The following CNTN5 variants were observed in gnomAD, a reference collection of about 807,000 sequenced individuals.
CNTN5 encodes the protein contactin-5.
In CNTN5, 77 loss-of-function variants were observed where a neutral mutation model predicts 129.1. That is an observed-to-expected ratio of 0.60 (90% CI 0.50 to 0.72). The LOEUF (loss-of-function observed/expected upper bound fraction) is 0.72. Among genes scored for constraint, CNTN5 ranks in the 30% least tolerant of loss-of-function variants. CNTN5 has a pLI of 0.00. For missense variants in CNTN5, 1,478 were observed against 1,328.8 expected (o/e 1.11, Z -1.75); for synonymous variants, 509 against 465.6 (o/e 1.09, Z -1.20).
chr11:100,291,658 G>A (rs1446329414), intron 18 of CNTN5, among the ~76,000 whole-genome samples: 3 of 151,422 alleles, frequency 2.0e-5, no homozygotes, highest in African/African-American at 4.8e-5. Context: ...GCTAGATGAC[G>A]AGTTAGTGGG....
In CNTN5 at chr11:100,253,729, G is replaced by A. The variant is rs115913924; in HGVS notation, c.2006-2031G>A. 8.2e-3 allele frequency among the ~76,000 whole-genome samples: 1,241 copies of A among 152,072 alleles called. 12 individuals are homozygous for A. Among genetic ancestry groups the A allele is most frequent in the African/African-American group, 0.028 (1,162 of 41,462 alleles). The stretch of plus-strand genomic sequence containing the variant: ...TATTTTCTTTACCTTATCCTTAGTC[G>A]CTATTTTAGTGGCTTCAACATTGAT... On this transcript the variant is annotated intron_variant, in intron 16 of 24. Transcript: ENST00000524871.
intron 1 of CNTN5, among the ~76,000 whole-genome samples, chr11:99,089,971 A>G (rs941144419): frequency 6.6e-6 from 1 of 152,184 alleles, no homozygotes; most frequent in African/African-American, 2.4e-5. Flanking sequence ...GACATTTACT[A>G]TGGTGAATCT....
chr11:99,589,285 A>G (rs1427806182), intron 3 of CNTN5, among the ~76,000 whole-genome samples: 1 of 152,264 alleles, frequency 6.6e-6, no homozygotes, highest in Non-Finnish European at 1.5e-5. Context: ...GGAAATCACC[A>G]TCAATAACAT....
At chr11:99,073,278 T>C (rs1017713282) in intron 1 of CNTN5, among the ~76,000 whole-genome samples, 10 of 152,086 alleles carry the variant, frequency 6.6e-5, no homozygotes, top group Non-Finnish European at 1.3e-4. Context: ...TATACTTAGC[T>C]TTCGTAGAAA....
intron 1 of CNTN5, among the ~76,000 whole-genome samples, chr11:99,180,770 G>A (rs570409166): frequency 3.9e-5 from 6 of 152,236 alleles, no homozygotes; most frequent in African/African-American, 1.2e-4. Flanking sequence ...TTACAGATAC[G>A]GGGTAAGCAC....
At chr11:99,819,303 C>T (rs1463786547) in intron 3 of CNTN5, among the ~76,000 whole-genome samples, 25 of 17,518 alleles carry the variant, frequency 1.4e-3, no homozygotes, top group Non-Finnish European at 2.4e-3. Context: ...TCCTCCCCTT[C>T]CCTCCCCTCT....
At chr11:99,038,143 A>G (rs941238755) in intron 1 of CNTN5, among the ~76,000 whole-genome samples, 1 of 152,194 alleles carries the variant, frequency 6.6e-6, no homozygotes, top group Non-Finnish European at 1.5e-5. Context: ...CTCTCAGTTA[A>G]GTTGTTATAG....
Position 100,350,739 on chromosome 11 carries a change from T to C in CNTN5, c.3068T>C (p.Val1023Ala). The C allele has an allele frequency of 1.2e-6, 2 of 1,608,676 alleles. No individual in the cohort carries two copies. The change falls in exon 24 of 25, where the codon GTT becomes GCT. Residue 1023 changes from valine (V) to alanine (A), a missense_variant. Coordinates refer to ENST00000524871, the MANE Select transcript of CNTN5 (RefSeq NM_014361.4). The part of the protein sequence containing the change: ...YRQEGHSNSQ[V>A]IETQKLQAVV... ...CAAGAGGGTCACAGCAACAGCCAAG[T>C]TATTGAAACACAGAAACTTCAAGCA...
At chr11:100,234,722 C>G (rs1949571373) in intron 16 of CNTN5, among the ~76,000 whole-genome samples, 1 of 145,656 alleles carries the variant, frequency 6.9e-6, no homozygotes, top group Admixed American at 7.2e-5. Context: ...TTGACGGGTG[C>G]AGCAAACCAC....
chr11:99,423,895 T>C (rs1344210309), intron 2 of CNTN5, among the ~76,000 whole-genome samples: 1 of 152,166 alleles, frequency 6.6e-6, no homozygotes, highest in African/African-American at 2.4e-5. Flanking sequence ...TCAAGTATTA[T>C]AAGGCCTTGT....
chr11:100,052,546 TGA>T (rs906906467), intron 9 of CNTN5, among the ~76,000 whole-genome samples: 6 of 151,742 alleles, frequency 4.0e-5, no homozygotes, highest in African/African-American at 1.2e-4. Context: ...ATAACATTTA[TGA>T]GAGAAATAAA....
chr11:100,082,591 C>G (rs537730161), intron 13 of CNTN5, among the ~76,000 whole-genome samples: 4 of 152,220 alleles, frequency 2.6e-5, no homozygotes, highest in Admixed American at 2.6e-4. Context: ...TCTGCCCAGC[C>G]CACTGTGGGC....
At chr11:99,475,012 G>A (rs896599935) in intron 2 of CNTN5, among the ~76,000 whole-genome samples, 2 of 151,798 alleles carry the variant, frequency 1.3e-5, no homozygotes, top group Non-Finnish European at 2.9e-5. Context: ...ACTAGACCAT[G>A]TAAGATCCAC....
chr11:99,382,844 A>ATTTTTTTTTTTTTTTTTT lies in CNTN5; in HGVS notation c.-71+57360_-71+57361insTTTTTTTTTTTTTTTTTT, dbSNP rs774797660. On this transcript the variant is annotated intron_variant, in intron 2 of 24. Coordinates refer to ENST00000524871, the MANE Select transcript of CNTN5 (RefSeq NM_014361.4). ...CACATCTCACTAGTGTCTCTAAATA[A>ATTTTTTTTTTTTTTTTTT]CTTTTTTTTTTTTTTTTTTTTTTTT... 3.7e-4 allele frequency among the ~76,000 whole-genome samples: 26 copies of ATTTTTTTTTTTTTTTTTT among 69,382 alleles called. 1 individual carries two copies. The highest frequency in any genetic ancestry group is 1.6e-3 in the African/African-American group (22 of 13,962). 45.5% of individuals were successfully genotyped at this position (69,382 alleles called of 152,430 possible).
chr11:99,149,572 C>A lies in CNTN5; in HGVS notation c.-210+128302C>A, dbSNP rs142867900. On this transcript the variant is annotated intron_variant, in intron 1 of 24. Coordinates refer to ENST00000524871, the MANE Select transcript of CNTN5 (RefSeq NM_014361.4). ...ACACAGGAAGATTATTTTAAAGAAG[C>A]AAATCAACAAAACTGTTGGCAACAG... Among the ~76,000 whole-genome samples, 1,412 of 151,968 alleles carry A rather than the reference C, an allele frequency of 9.3e-3. 9 individuals carry two copies. Among genetic ancestry groups the A allele is most frequent in the Non-Finnish European group, 0.014 (951 of 67,970 alleles).
intron 1 of CNTN5, among the ~76,000 whole-genome samples, chr11:99,252,110 T>C (rs904393068): frequency 3.9e-5 from 6 of 152,050 alleles, no homozygotes; most frequent in African/African-American, 1.4e-4. Flanking sequence ...TCTTTATCTC[T>C]CTTCACTTCT....
chr11:99,089,929 G>C (rs1359668606), intron 1 of CNTN5, among the ~76,000 whole-genome samples: 1 of 152,120 alleles, frequency 6.6e-6, no homozygotes, highest in South Asian at 2.1e-4. Flanking sequence ...TTTTTCAATG[G>C]TTTTCCTAGC....
chr11:99,041,270 G>A (rs1331624956), intron 1 of CNTN5, among the ~76,000 whole-genome samples: 1 of 151,872 alleles, frequency 6.6e-6, no homozygotes, highest in Non-Finnish European at 1.5e-5. Context: ...TCTCCTCAAG[G>A]CCTCTATCCT....
At chr11:99,677,787 A>G (rs1953357556) in intron 3 of CNTN5, among the ~76,000 whole-genome samples, 1 of 152,090 alleles carries the variant, frequency 6.6e-6, no homozygotes, top group African/African-American at 2.4e-5. Context: ...ATGTGTAAAC[A>G]TTTTCGTACT....
Sources: allele counts gnomAD v4.1 joint callset (sites outside exome capture counted in the v4.1 genomes callset), GRCh38; gene constraint gnomAD v4.1.1; transcripts MANE v1.5; gene names NCBI Gene and HGNC (gene_info 2026-07-23, HGNC 2026-07-21).